Variants in ARID4A observed in about 807,000 individuals in gnomAD.
ARID4A encodes AT-rich interaction domain 4A.
Under a neutral mutation model 148.6 loss-of-function variants are expected in ARID4A, and 39 were observed. The ratio of observed to expected loss-of-function variants is 0.26; its 90% confidence interval spans 0.20 to 0.34. The LOEUF is 0.34. ARID4A is among the 10% of genes least tolerant of loss of function. The probability of loss-of-function intolerance (pLI) is 1.00; values close to 1 mark genes in which losing one functional copy is unlikely to be tolerated. For synonymous variants in ARID4A, 475 were observed against 481.2 expected, an observed-to-expected ratio of 0.99 and a Z score of 0.17; for missense variants, 1,265 against 1,449.1, an observed-to-expected ratio of 0.87 and a Z score of 2.06.
At chr14:58,306,212 T>TA in intron 5 of ARID4A, 100 bp downstream of exon 5, 1 of 863,454 alleles carries the variant, frequency 1.2e-6, no homozygotes, top group Non-Finnish European at 1.9e-6. Context: ...GAAATATATA[T>TA]TATTTCCTGT....
At position 58,352,477 on chromosome 14, in the gene ARID4A, C is replaced by G. The variant is rs372866208; in HGVS notation, c.1655+1154C>G. On this transcript the variant is annotated intron_variant, in intron 16 of 23. Transcript: ENST00000355431. The stretch of plus-strand genomic sequence containing the variant: ...TATGTATATAAAACATATAATACAT[C>G]TATGTAAAATGTGATTTAAAAAGAC... Among the ~76,000 whole-genome samples, 6 of 152,082 alleles carry G rather than the reference C, an allele frequency of 3.9e-5. No individual in the cohort carries two copies. The East Asian group carries it at 7.7e-4, about 20-fold the overall frequency.
intron 11 of ARID4A, among the ~76,000 whole-genome samples, chr14:58,338,165 C>T (rs747938040): frequency 1.3e-5 from 2 of 151,984 alleles, no homozygotes; most frequent in Non-Finnish European, 2.9e-5. Context: ...AAATGATAAA[C>T]AACAGCTGAG....
chr14:58,363,088 C>T (rs1214227260), intron 19 of ARID4A, among the ~76,000 whole-genome samples: 1 of 152,182 alleles, frequency 6.6e-6, no homozygotes, highest in Admixed American at 6.5e-5. Context: ...GTCTATACAA[C>T]TACATACCAG....
At chr14:58,340,539 G>A (rs1396265535) in intron 11 of ARID4A, among the ~76,000 whole-genome samples, 1 of 152,094 alleles carries the variant, frequency 6.6e-6, no homozygotes, top group African/African-American at 2.4e-5. Context: ...TAGTAGAGAT[G>A]GGGTTTTACC....
rs1318238123 is a variant in ARID4A, at chr14:58,366,940, A to G, written c.3581A>G (p.Gln1194Arg). Residue 1194 changes from glutamine to arginine, a missense_variant, in exon 23 of 24, where the codon CAG becomes CGG. Around this residue, in one of 9 missense-constraint regions of ARID4A, gnomAD observed 666 missense variants for 730.9 expected, o/e 0.91. Coordinates refer to ENST00000355431, the MANE Select transcript of ARID4A (RefSeq NM_002892.4). ...ATCTCATTTCTCCAAGAAAAACTAC[A>G]GGAAATCAGAAAATATTATATGTCT... is the stretch of plus-strand genomic sequence containing the variant. ...ERISFLQEKL[Q>R]EIRKYYMSLK... is the part of the protein sequence containing the mutation. The G allele has an allele frequency of 2.6e-6, 4 of 1,522,710 alleles. No individual in the cohort carries two copies. Among genetic ancestry groups the G allele is most frequent in the Admixed American group, 4.9e-5 (2 of 41,102 alleles). 94.3% of individuals were successfully genotyped at this position (1,522,710 alleles called of 1,614,324 possible).
intron 16 of ARID4A, 24 bp from the exon 17 acceptor site, chr14:58,353,634 T>C (rs1346519341): frequency 1.3e-6 from 2 of 1,585,392 alleles, no homozygotes; most frequent in Non-Finnish European, 1.7e-6. Context: ...TTAGTAGCAT[T>C]ATCAGTATTA....
rs770167800 is a variant in ARID4A at position 58,365,571 on chromosome 14, C to T, written c.3265C>T (p.Arg1089Cys). 32 of 1,596,076 alleles carry T rather than the reference C, an allele frequency of 2.0e-5. No homozygotes were observed. Among genetic ancestry groups the T allele is most frequent in the African/African-American group, 8.3e-5 (6 of 72,412 alleles). Reference protein sequence around the residue: ...NSGLMAKKQKRTPKRTSAAAK... With the variant: ...NSGLMAKKQKCTPKRTSAAAK... ...TGGATTAATGGCAAAAAAGCAAAAG[C>T]GTACCCCAAAGCGAACAAGTGCTGC... Residue 1089 changes from arginine to cysteine, a missense_variant, in exon 21 of 24, where the codon CGT becomes TGT. Arg to Cys is a radical substitution (Grantham distance 180). Coordinates refer to ENST00000355431, the MANE Select transcript of ARID4A (RefSeq NM_002892.4).
At chr14:58,303,556 G>C (rs2031364447) in intron 3 of ARID4A, 1 of 470,956 alleles carries the variant, frequency 2.1e-6, no homozygotes, top group South Asian at 1.5e-5. Context: ...ACCATAAAAG[G>C]AGGAAACGTC....
Position 58,304,984 on chromosome 14 carries a change from A to G in ARID4A, c.158A>G (p.Asp53Gly). ...KQDNTTQLVQ[D>G]DQVKGPLRVG... ...GATAATACCACACAATTGGTACAAG[A>G]TGACCAAGTAAAGGGTCCTTTAAGA... is the stretch of plus-strand genomic sequence containing the variant. The change falls in exon 4 of 24, where the codon GAT (aspartate) becomes GGT (glycine). Residue 53 changes from aspartate (D) to glycine (G), a missense_variant. By Grantham distance (94) the Asp-to-Gly change is moderately conservative (BLOSUM62 -1). This residue lies in a region of ARID4A where 59 missense variants were observed against 49.8 expected (regional missense o/e 1.18). Coordinates refer to ENST00000355431, the MANE Select transcript of ARID4A (RefSeq NM_002892.4). The G allele has an allele frequency of 6.2e-7, 1 of 1,607,732 alleles. No homozygotes were observed. The highest frequency in any genetic ancestry group is 2.2e-5 in the East Asian group (1 of 44,630).
At chr14:58,316,398 G>A (rs1272110366) in intron 5 of ARID4A, among the ~76,000 whole-genome samples, 1 of 152,060 alleles carries the variant, frequency 6.6e-6, no homozygotes, top group East Asian at 1.9e-4. Flanking sequence ...CCTTCTGAGA[G>A]CATTTTCTTT....
At chr14:58,306,197 G>C (rs938405116) in intron 5 of ARID4A, 85 bp downstream of exon 5, 4 of 961,712 alleles carry the variant, frequency 4.2e-6, no homozygotes, top group Non-Finnish European at 6.6e-6. Flanking sequence ...CATTGTGTTG[G>C]TGGAGAAATA....
At chr14:58,335,953 T>C (rs1178686482) in intron 11 of ARID4A, among the ~76,000 whole-genome samples, 1 of 152,150 alleles carries the variant, frequency 6.6e-6, no homozygotes, top group East Asian at 1.9e-4. Context: ...ACTTAATTGT[T>C]CTTTCAACAT....
intron 11 of ARID4A, chr14:58,331,149 G>T (rs1415746775): frequency 6.6e-6 from 1 of 152,120 alleles, no homozygotes; most frequent in Non-Finnish European, 1.5e-5. Context: ...GCAGTATTTG[G>T]TTTTTTTACA....
At chr14:58,301,815 G>A (rs939358585) in intron 3 of ARID4A, 125 bp downstream of exon 3, 6 of 529,814 alleles carry the variant, frequency 1.1e-5, no homozygotes, top group East Asian at 3.3e-5. Context: ...CAAACTTAAA[G>A]GAAAAGCACA....
intron 5 of ARID4A, 51 bp downstream of exon 5, chr14:58,306,163 CTG>C (rs1189194081): frequency 1.5e-6 from 2 of 1,335,550 alleles, no homozygotes; most frequent in South Asian, 1.2e-5. Context: ...TTGCATGTAT[CTG>C]TGTTTTGTGG....
At chr14:58,349,009 A>G (rs1275891513) in intron 15 of ARID4A, among the ~76,000 whole-genome samples, 2 of 151,814 alleles carry the variant, frequency 1.3e-5, no homozygotes, top group African/African-American at 4.8e-5. Flanking sequence ...TTAAACAGTA[A>G]CTCCTCATTC....
At chr14:58,342,507 T>A (rs1185692263) in intron 11 of ARID4A, among the ~76,000 whole-genome samples, 1 of 152,088 alleles carries the variant, frequency 6.6e-6, no homozygotes, top group Non-Finnish European at 1.5e-5. Context: ...AATTGATGAG[T>A]TGATTTTGTT....
chr14:58,372,201 C>T lies in ARID4A; in HGVS notation c.*212C>T. ...AATAAGTGAAGGTTAAGCAGCCTGC[C>T]ATATTTGTCATAATTTTTCCTCTTT... On this transcript the variant is annotated 3_prime_UTR_variant, in exon 24 of 24. Coordinates refer to ENST00000355431, the MANE Select transcript of ARID4A (RefSeq NM_002892.4). 1 of 438,426 alleles carries T rather than the reference C, an allele frequency of 2.3e-6. No individual in the cohort carries two copies. The highest frequency in any genetic ancestry group is 4.1e-6 in the Non-Finnish European group (1 of 246,096). The allele number at this position is 438,426 out of a possible 1,614,324, so 27.2% of individuals were successfully genotyped here. A position where few individuals can be genotyped will look rare whatever the true frequency, so the allele number is the denominator to read the frequency against.
intron 11 of ARID4A, among the ~76,000 whole-genome samples, chr14:58,338,686 G>A (rs1227077164): frequency 6.6e-6 from 1 of 151,990 alleles, no homozygotes; most frequent in Non-Finnish European, 1.5e-5. Flanking sequence ...AGGGACTATA[G>A]ACAGCATCAT....
Sources: allele counts gnomAD v4.1 joint callset (sites outside exome capture counted in the v4.1 genomes callset), GRCh38; gene constraint gnomAD v4.1.1; regional missense constraint gnomAD v4.1.1; transcripts MANE v1.5; gene names NCBI Gene and HGNC (gene_info 2026-07-23, HGNC 2026-07-21).